CADPS2: variants seen among roughly 807,000 people sequenced by gnomAD.
CADPS2 encodes the protein calcium dependent secretion activator 2, also known as calcium-dependent secretion activator 2.
A neutral mutation model predicts 172.5 loss-of-function variants in CADPS2; 93 were observed. That is an observed-to-expected ratio of 0.54 (90% CI 0.46 to 0.64). CADPS2 has a LOEUF of 0.64. Ranked by LOEUF, CADPS2 falls within the 30% of genes least tolerant of loss-of-function variation. CADPS2 has a pLI of 0.00. For missense variants in CADPS2, 1,420 were observed against 1,565.9 expected (o/e 0.91, Z 1.57); for synonymous variants, 546 against 555.2 (o/e 0.98, Z 0.23).
intron 1 of CADPS2, among the ~76,000 whole-genome samples, chr7:122,834,576 C>A (rs1301736297): frequency 6.6e-6 from 1 of 152,148 alleles, no homozygotes; most frequent in Non-Finnish European, 1.5e-5. Flanking sequence ...AAAACTGGGT[C>A]ACTCCCACCC....
chr7:122,386,328 G>T, intron 24 of CADPS2: 1 of 1,407,282 alleles, frequency 7.1e-7, no homozygotes, highest in Non-Finnish European at 9.4e-7. Context: ...TGCCATGGGT[G>T]GAAAAAAAAA....
intron 1 of CADPS2, among the ~76,000 whole-genome samples, chr7:122,877,243 A>G (rs972055050): frequency 6.6e-6 from 1 of 152,212 alleles, no homozygotes; most frequent in African/African-American, 2.4e-5. Flanking sequence ...TTATTTTCTT[A>G]ATGTAATTTT....
At chr7:122,668,350 T>C (rs547491613) in intron 2 of CADPS2, among the ~76,000 whole-genome samples, 1 of 149,118 alleles carries the variant, frequency 6.7e-6, no homozygotes, top group East Asian at 2.0e-4. Context: ...GGGAGAGTCA[T>C]GGAAAATCCA....
chr7:122,562,497 C>T (rs1473323556), intron 7 of CADPS2, among the ~76,000 whole-genome samples: 4 of 152,112 alleles, frequency 2.6e-5, no homozygotes, highest in African/African-American at 4.8e-5. Flanking sequence ...CAGAACCCTG[C>T]TGAGAGCTTG....
At chr7:122,533,902 G>T (rs760186403) in intron 8 of CADPS2, among the ~76,000 whole-genome samples, 9 of 152,048 alleles carry the variant, frequency 5.9e-5, no homozygotes, top group Non-Finnish European at 1.0e-4. Context: ...ATAGAAATCA[G>T]GTGTTCAATT....
At chr7:122,584,225 A>T (rs2069297222) in intron 6 of CADPS2, among the ~76,000 whole-genome samples, 1 of 151,924 alleles carries the variant, frequency 6.6e-6, no homozygotes, top group Admixed American at 6.6e-5. Context: ...AAGCTATTCA[A>T]ACCTGATATT....
intron 2 of CADPS2, among the ~76,000 whole-genome samples, chr7:122,735,965 T>C (rs1183648247): frequency 2.0e-5 from 3 of 152,198 alleles, no homozygotes; most frequent in Non-Finnish European, 4.4e-5. Flanking sequence ...TGAGCTCCTA[T>C]AACTTGTTAA....
At chr7:122,831,746 G>A (rs1428059661) in intron 1 of CADPS2, among the ~76,000 whole-genome samples, 2 of 152,112 alleles carry the variant, frequency 1.3e-5, no homozygotes, top group African/African-American at 4.8e-5. Context: ...GCTGTAAGAG[G>A]GGACCATACA....
chr7:122,860,297 T>C (rs1277922727), intron 1 of CADPS2, among the ~76,000 whole-genome samples: 1 of 152,152 alleles, frequency 6.6e-6, no homozygotes, highest in Non-Finnish European at 1.5e-5. Flanking sequence ...AGTGTAATCA[T>C]AGCTCACTGC....
rs1824373255 is a variant in CADPS2, at chr7:122,886,315, TC to T, written c.22del (p.Glu8LysfsTer50). 6.7e-7 allele frequency: 1 copy of T among 1,502,924 alleles called. No individual in the cohort carries two copies. Among genetic ancestry groups the T allele is most frequent in the Non-Finnish European group, 8.8e-7 (1 of 1,134,648 alleles). The allele number at this position is 1,502,924 out of a possible 1,614,324, so 93.1% of individuals were successfully genotyped here. A position where few individuals can be genotyped will look rare whatever the true frequency, so the allele number is the denominator to read the frequency against. Reference protein sequence around the residue: MLDPSSSEEESDEGLEEE... With the variant: MLDPSSSXEESDEGLEEE... ...TTCCAGCCCCTCGTCCGACTCCTCT[TC>T]GCTGGAAGACGGGTCCAGCATGGTG... is the stretch of plus-strand genomic sequence containing the variant. On this transcript the variant is annotated frameshift_variant, in exon 1 of 30. Coordinates refer to ENST00000449022, the MANE Select transcript of CADPS2 (RefSeq NM_017954.11). LOFTEE classifies it high-confidence loss of function.
intron 8 of CADPS2, among the ~76,000 whole-genome samples, chr7:122,515,356 G>A (rs1461750058): frequency 6.6e-6 from 1 of 152,008 alleles, no homozygotes; most frequent in African/African-American, 2.4e-5. Flanking sequence ...CTTCTCTGTG[G>A]TTCTAGTGAC....
intron 6 of CADPS2, among the ~76,000 whole-genome samples, chr7:122,590,795 C>T (rs957327072): frequency 6.6e-6 from 1 of 151,662 alleles, no homozygotes; most frequent in Non-Finnish European, 1.5e-5. Context: ...CACTGCAATA[C>T]AAAATTCAAA....
intron 28 of CADPS2, among the ~76,000 whole-genome samples, chr7:122,336,442 G>C (rs1319063257): frequency 6.6e-6 from 1 of 152,192 alleles, no homozygotes; most frequent in African/African-American, 2.4e-5. Flanking sequence ...GGGAAGCCTG[G>C]ACATTTCCAT....
intron 8 of CADPS2, among the ~76,000 whole-genome samples, chr7:122,537,851 AAAATG>A (rs1000499642): frequency 6.6e-6 from 1 of 151,870 alleles, no homozygotes; most frequent in African/African-American, 2.4e-5. Context: ...TGAAGTGAGA[AAAATG>A]AAATAAAAAA....
chr7:122,352,209 CTATTA>C (rs2038769377), intron 27 of CADPS2, among the ~76,000 whole-genome samples: 1 of 152,202 alleles, frequency 6.6e-6, no homozygotes, highest in African/African-American at 2.4e-5. Flanking sequence ...GAGCTTTATA[CTATTA>C]TATTCATAAG....
chr7:122,591,606 C>A (rs527410985), intron 6 of CADPS2, among the ~76,000 whole-genome samples: 3 of 152,242 alleles, frequency 2.0e-5, no homozygotes, highest in South Asian at 2.1e-4. Context: ...GCTACAGTAA[C>A]CAAAACAGCA....
At position 122,525,642 on chromosome 7, in the gene CADPS2, C is replaced by A. The variant is rs377175356; in HGVS notation, c.1476-12327G>T. On this transcript the variant is annotated intron_variant, in intron 8 of 29. Coordinates refer to ENST00000449022, the MANE Select transcript of CADPS2 (RefSeq NM_017954.11). ...AATGATGGAGGCCTTCTGAAAAATG[C>A]ATCATGAGGCAATTTTGTCTTTGTG... Among the ~76,000 whole-genome samples the A allele has an allele frequency of 8.5e-5, 13 of 152,272 alleles. No individual in the cohort carries two copies. In the East Asian group the frequency reaches 1.9e-3, roughly 23 times the overall value.
chr7:122,780,663 C>G (rs989730866), intron 1 of CADPS2, among the ~76,000 whole-genome samples: 1 of 152,052 alleles, frequency 6.6e-6, no homozygotes, highest in African/African-American at 2.4e-5. Context: ...GTCTCCACAC[C>G]ACTAATTTTT....
chr7:122,754,314 T>C (rs2093069392), intron 1 of CADPS2, among the ~76,000 whole-genome samples: 1 of 152,186 alleles, frequency 6.6e-6, no homozygotes, highest in Admixed American at 6.5e-5. Flanking sequence ...TTTGTTTTAT[T>C]TGTTAACCAA....
Sources: allele counts gnomAD v4.1 joint callset (sites outside exome capture counted in the v4.1 genomes callset), GRCh38; gene constraint gnomAD v4.1.1; transcripts MANE v1.5; gene names NCBI Gene and HGNC (gene_info 2026-07-23, HGNC 2026-07-21).